Variants in KCNQ1 observed in about 807,000 individuals in gnomAD.
The protein encoded by KCNQ1 is potassium voltage-gated channel subfamily Q member 1.
In KCNQ1, 49 loss-of-function variants were observed where a neutral mutation model predicts 72.4. That is an observed-to-expected ratio of 0.68 (90% CI 0.54 to 0.86). KCNQ1 has a LOEUF of 0.86. Among genes scored for constraint, KCNQ1 ranks in the 40% least tolerant of loss-of-function variants. KCNQ1 has a pLI of 0.00. For missense variants in KCNQ1, 790 were observed against 945.1 expected (o/e 0.84, Z 2.15); for synonymous variants, 450 against 412.6 (o/e 1.09, Z -1.10).
intron 10 of KCNQ1, chr11:2,644,993 C>T (rs551165299): frequency 4.0e-5 from 16 of 398,634 alleles, no homozygotes; most frequent in African/African-American, 2.5e-4. Context: ...ATGCTGGTAC[C>T]AGTGTTAGCA....
At chr11:2,706,987 G>A (rs1850922465) in intron 11 of KCNQ1, among the ~76,000 whole-genome samples, 1 of 152,162 alleles carries the variant, frequency 6.6e-6, no homozygotes, top group Non-Finnish European at 1.5e-5. Flanking sequence ...TGTAACGGGT[G>A]ACCTTTTCTC....
rs1342663112 is a variant in KCNQ1 at position 2,587,665 on chromosome 11, C to T, written c.1224C>T (p.Pro408=). The T allele has an allele frequency of 3.1e-6, 5 of 1,613,910 alleles. No individual in the cohort carries two copies. Among genetic ancestry groups the T allele is most frequent in the East Asian group, 4.5e-5 (2 of 44,888 alleles). The change falls in exon 9 of 16, where the codon CCC becomes CCT. Residue 408 remains proline (P), a synonymous_variant. Transcript: ENST00000155840. ...KAPRSHTLLS[P]SPKPKKSVVV... ...CCCGGAGCCACACTCTGCTGTCACCCAGCCCCAAACCCAAGAAGTCTGTGG... is the reference window on the plus strand; with the variant it reads ...CCCGGAGCCACACTCTGCTGTCACCTAGCCCCAAACCCAAGAAGTCTGTGG...
intron 11 of KCNQ1, chr11:2,696,425 T>C (rs1349006687): frequency 7.5e-6 from 3 of 398,596 alleles, no homozygotes; most frequent in Non-Finnish European, 1.3e-5. Context: ...GAGTTACCTC[T>C]GAGCTCTCTT....
rs564187626 is a variant in KCNQ1 at position 2,834,188 on chromosome 11, G to C, written c.1795-13579G>C. ...GGTGTGGCACATGGTGTGGCACATG[G>C]CATGGCTGGGGCTGGGGCTGGGTTG... On this transcript the variant is annotated intron_variant, in intron 15 of 15. Transcript: ENST00000155840. Among the ~76,000 whole-genome samples the C allele has an allele frequency of 2.4e-4, 37 of 152,284 alleles. No homozygotes were observed. In the South Asian group the frequency reaches 7.5e-3, roughly 31 times the overall value.
Position 2,445,277 on chromosome 11 carries a change from G to A in KCNQ1, c.179G>A (p.Gly60Asp). 2 of 1,288,482 alleles carry A rather than the reference G, an allele frequency of 1.6e-6. No individual in the cohort carries two copies. Among genetic ancestry groups the A allele is most frequent in the South Asian group, 2.4e-5 (1 of 41,754 alleles). 79.8% of individuals were successfully genotyped at this position (1,288,482 alleles called of 1,614,324 possible). Reference protein sequence around the residue: ...LYAPIAPGAPGPAPPASPAAP... With the variant: ...LYAPIAPGAPDPAPPASPAAP... ...GCGCCCATCGCGCCCGGCGCCCCAGGTCCCGCGCCCCCTGCGTCCCCGGCC... is the reference window on the plus strand; with the variant it reads ...GCGCCCATCGCGCCCGGCGCCCCAGATCCCGCGCCCCCTGCGTCCCCGGCC... Residue 60 changes from glycine (G) to aspartate (D), a missense_variant, in exon 1 of 16, where the codon GGT (glycine) becomes GAT (aspartate). Transcript: ENST00000155840.
At chr11:2,616,855 G>A (rs2133798296) in intron 10 of KCNQ1, 1 of 398,222 alleles carries the variant, frequency 2.5e-6, no homozygotes, top group East Asian at 3.6e-5. Context: ...AGAATGTGTA[G>A]TTGGGTGGAG....
At chr11:2,572,191 G>C in intron 5 of KCNQ1, 82 bp downstream of exon 5, 1 of 1,025,100 alleles carries the variant, frequency 9.8e-7, no homozygotes, top group Non-Finnish European at 1.5e-6. Context: ...AGGACAGCTT[G>C]AGATGCGCTG....
intron 15 of KCNQ1, among the ~76,000 whole-genome samples, chr11:2,838,980 G>A (rs1046351059): frequency 1.1e-4 from 16 of 151,954 alleles, no homozygotes; most frequent in African/African-American, 2.2e-4. Context: ...AACAGAGGCC[G>A]ATGGGACGAG....
chr11:2,540,108 T>C (rs1447430661), intron 2 of KCNQ1, among the ~76,000 whole-genome samples: 1 of 152,070 alleles, frequency 6.6e-6, no homozygotes. Flanking sequence ...TGGGGCCCAC[T>C]GGCCATGGAG....
At position 2,679,464 on chromosome 11, in the gene KCNQ1, G is replaced by C. The variant is rs1850350259; in HGVS notation, c.1514+17383G>C. ...GGATTACACAAATTAATAATATAAA[G>C]TATGCAGAAAAGTGCCTGTCCTATA... On this transcript the variant is annotated intron_variant, in intron 11 of 15. Transcript: ENST00000155840. The surrounding 1 kb of genome is among the most constrained non-coding windows in gnomAD (Gnocchi z 4.8). The C allele has an allele frequency of 5.0e-6, 2 of 398,464 alleles. No homozygotes were observed. Among genetic ancestry groups the C allele is most frequent in the African/African-American group, 2.1e-5 (1 of 48,614 alleles). The allele number at this position is 398,464 out of a possible 1,614,324, so 24.7% of individuals were successfully genotyped here.
At chr11:2,774,697 G>C (rs1327423597) in intron 12 of KCNQ1, among the ~76,000 whole-genome samples, 1 of 152,230 alleles carries the variant, frequency 6.6e-6, no homozygotes, top group African/African-American at 2.4e-5. Context: ...TGGGTACATG[G>C]AGACCTGACC....
Position 2,515,123 on chromosome 11 carries a change from C to T in KCNQ1, c.387-12805C>T, listed in dbSNP as rs1397725326. Among the ~76,000 whole-genome samples the T allele has an allele frequency of 5.9e-5, 9 of 152,128 alleles. No individual in the cohort carries two copies. The highest frequency in any genetic ancestry group is 1.0e-4 in the Non-Finnish European group (7 of 68,030). Reference sequence around the variant, plus strand: ...TTGGGCTTCTCGTGCGCCCATCAGCCGGATATTGGACGTTATACTCAATAG... The same window carrying T: ...TTGGGCTTCTCGTGCGCCCATCAGCTGGATATTGGACGTTATACTCAATAG... On this transcript the variant is annotated intron_variant, in intron 1 of 15. Coordinates refer to ENST00000155840, the MANE Select transcript of KCNQ1 (RefSeq NM_000218.3). This position sits in a 1 kb window ranked among gnomAD's most constrained non-coding sequence, Gnocchi z 4.7.
At chr11:2,470,704 T>TGGGGG (rs113753362) in intron 1 of KCNQ1, among the ~76,000 whole-genome samples, 8 of 89,576 alleles carry the variant, frequency 8.9e-5, no homozygotes, top group African/African-American at 2.9e-4. Flanking sequence ...CTCAGTTAGG[T>TGGGGG]GGGGGGGGGG....
rs1564872215 is a variant in KCNQ1 at position 2,724,407 on chromosome 11, G to A, written c.1515-44437G>A. Among the ~76,000 whole-genome samples, 3 of 152,002 alleles carry A rather than the reference G, an allele frequency of 2.0e-5. No homozygotes were observed. Among genetic ancestry groups the A allele is most frequent in the East Asian group, 1.9e-4 (1 of 5,160 alleles). On this transcript the variant is annotated intron_variant, in intron 11 of 15. Transcript: ENST00000155840. The surrounding 1 kb of genome is among the most constrained non-coding windows in gnomAD (Gnocchi z 6.8). ...AGCTGGCAGCCAGGGTCCCTGTCCC[G>A]CCAGCCCTAGGCCTCGAACCCTCCC...
In KCNQ1 at chr11:2,488,019, ATTATGT is replaced by A. The variant is rs1475036447; in HGVS notation, c.387-39907_387-39902del. ...CTGTGGATTTTCACATATGGTTTTT[ATTATGT>A]TAAGGTAGTTTCCTTCTATTCCTAG... On this transcript the variant is annotated intron_variant, in intron 1 of 15. Transcript: ENST00000155840. The surrounding 1 kb of genome is among the most constrained non-coding windows in gnomAD (Gnocchi z 5.1). Among the ~76,000 whole-genome samples, 1 of 152,078 alleles carries A rather than the reference ATTATGT, an allele frequency of 6.6e-6. No individual in the cohort carries two copies. The highest frequency in any genetic ancestry group is 6.5e-5 in the Admixed American group (1 of 15,270).
chr11:2,776,134 GA>G, intron 13 of KCNQ1, 80 bp downstream of exon 13: 1 of 1,225,974 alleles, frequency 8.2e-7, no homozygotes, highest in South Asian at 1.4e-5. Context: ...AGCGGTGCCG[GA>G]GGAGGGAGGG....
intron 6 of KCNQ1, among the ~76,000 whole-genome samples, chr11:2,577,358 G>A (rs763634104): frequency 6.6e-5 from 10 of 152,232 alleles, no homozygotes; most frequent in African/African-American, 1.2e-4. Context: ...CAGGAGCAGG[G>A]AGGCCTCCTT....
Position 2,783,317 on chromosome 11 carries a change from A to G in KCNQ1, c.1794+5280A>G, listed in dbSNP as rs556562078. Among the ~76,000 whole-genome samples, 2 of 152,160 alleles carry G rather than the reference A, an allele frequency of 1.3e-5. No homozygotes were observed. Among genetic ancestry groups the G allele is most frequent in the African/African-American group, 4.8e-5 (2 of 41,464 alleles). On this transcript the variant is annotated intron_variant, in intron 15 of 15. Coordinates refer to ENST00000155840, the MANE Select transcript of KCNQ1 (RefSeq NM_000218.3). The surrounding 1 kb of genome is among the most constrained non-coding windows in gnomAD (Gnocchi z 5.2). ...GCCCTCTTGTCAGAGAAAGCAATCC[A>G]TATGATATTAATCCTTTAGAATGTT...
rs868813493 is a variant in KCNQ1, at chr11:2,817,660, C to T, written c.1795-30107C>T. Among the ~76,000 whole-genome samples the T allele has an allele frequency of 4.6e-5, 7 of 152,106 alleles. No individual in the cohort carries two copies. Among genetic ancestry groups the T allele is most frequent in the Non-Finnish European group, 8.8e-5 (6 of 68,020 alleles). Reference sequence around the variant, plus strand: ...CATCACAGAGGTGGTGAGAGCTACCCCGGGTCTGGGGACTGTTAGCACAGA... The same window carrying T: ...CATCACAGAGGTGGTGAGAGCTACCTCGGGTCTGGGGACTGTTAGCACAGA... On this transcript the variant is annotated intron_variant, in intron 15 of 15. Coordinates refer to ENST00000155840, the MANE Select transcript of KCNQ1 (RefSeq NM_000218.3). This position sits in a 1 kb window ranked among gnomAD's most constrained non-coding sequence, Gnocchi z 6.1.
Sources: gnomAD v4.1 joint callset for allele counts (sites outside exome capture counted in the v4.1 genomes callset) on GRCh38, gnomAD v4.1.1 for gene constraint, Gnocchi (gnomAD v3.1) non-coding constraint, MANE v1.5 for transcripts, NCBI Gene and HGNC (gene_info 2026-07-23, HGNC 2026-07-21) for gene names.